Variants in BICD1 observed in about 807,000 individuals in gnomAD.
The protein encoded by BICD1 is protein bicaudal D homolog 1.
Under a neutral mutation model 92.5 loss-of-function variants are expected in BICD1, and 35 were observed. The observed-to-expected ratio is 0.38, with a 90% CI of 0.29 to 0.50. The LOEUF (loss-of-function observed/expected upper bound fraction) is 0.50. Ranked by LOEUF, BICD1 falls within the 20% of genes least tolerant of loss-of-function variation. The pLI, the probability that BICD1 is intolerant of heterozygous loss-of-function variation, is 0.93. For missense variants in BICD1, 950 were observed against 1,189.8 expected, an observed-to-expected ratio of 0.80 and a Z score of 2.97; for synonymous variants, 429 against 465.1, an observed-to-expected ratio of 0.92 and a Z score of 1.00.
intron 2 of BICD1, among the ~76,000 whole-genome samples, chr12:32,275,974 A>G (rs1028018579): frequency 6.6e-6 from 1 of 151,990 alleles, no homozygotes; most frequent in Admixed American, 6.5e-5. Context: ...GCTTGCCACC[A>G]TCTTGGAAGC....
intron 2 of BICD1, among the ~76,000 whole-genome samples, chr12:32,255,896 A>G (rs1946704570): frequency 6.6e-6 from 1 of 152,090 alleles, no homozygotes; most frequent in Admixed American, 6.6e-5. Context: ...TTAAAATATT[A>G]CCCTTAATCA....
chr12:32,293,728 G>A (rs763654698), intron 2 of BICD1, among the ~76,000 whole-genome samples: 19 of 152,076 alleles, frequency 1.2e-4, no homozygotes, highest in Non-Finnish European at 2.2e-4. Context: ...CCAATTTTTT[G>A]TGTAAGTATA....
Position 32,338,868 on chromosome 12 carries a change from CCT to C in BICD1, c.2654_2655del (p.Pro885ArgfsTer18). ...CCTACAGAATTTATTAAGAGTTCCCCCTGATCCCACCTCCACAGAATCATTTC... is the reference window on the plus strand; with the variant it reads ...CCTACAGAATTTATTAAGAGTTCCCCGATCCCACCTCCACAGAATCATTTC... ...SYLQNLLRVPPDPTSTESFLL... is the reference protein window; with the variant it reads ...SYLQNLLRVPXDPTSTESFLL... On this transcript the variant is annotated frameshift_variant, in exon 8 of 10. Transcript: ENST00000652176. LOFTEE classifies it high-confidence loss of function. The C allele has an allele frequency of 6.2e-7, 1 of 1,607,740 alleles. No individual in the cohort carries two copies. Among genetic ancestry groups the C allele is most frequent in the Non-Finnish European group, 8.5e-7 (1 of 1,177,444 alleles).
chr12:32,179,062 T>C (rs531932764), intron 1 of BICD1, among the ~76,000 whole-genome samples: 50 of 152,122 alleles, frequency 3.3e-4, no homozygotes, highest in Admixed American at 9.8e-4. Flanking sequence ...TTTGGATATA[T>C]GGAGTATTAA....
intron 1 of BICD1, among the ~76,000 whole-genome samples, chr12:32,143,454 C>T (rs1228922742): frequency 6.6e-6 from 1 of 151,956 alleles, no homozygotes; most frequent in Non-Finnish European, 1.5e-5. Flanking sequence ...TTTCATTTAA[C>T]ATTTTTTTTT....
chr12:32,161,291 AT>A (rs1202474680), intron 1 of BICD1, among the ~76,000 whole-genome samples: 2 of 152,220 alleles, frequency 1.3e-5, no homozygotes, highest in East Asian at 3.8e-4. Context: ...TAGAAAGAAC[AT>A]TAGTGAAATC....
chr12:32,270,631 T>C (rs1209571295), intron 2 of BICD1, among the ~76,000 whole-genome samples: 1 of 152,208 alleles, frequency 6.6e-6, no homozygotes, highest in Non-Finnish European at 1.5e-5. Flanking sequence ...CGTAAAACTA[T>C]GATAAGATTT....
At chr12:32,172,536 C>T (rs1189188890) in intron 1 of BICD1, among the ~76,000 whole-genome samples, 2 of 152,142 alleles carry the variant, frequency 1.3e-5, no homozygotes, top group African/African-American at 2.4e-5. Context: ...TCTCTCTTGC[C>T]CCCTATTCTC....
At chr12:32,246,637 C>CA (rs949341934) in intron 2 of BICD1, among the ~76,000 whole-genome samples, 5 of 151,640 alleles carry the variant, frequency 3.3e-5, no homozygotes, top group South Asian at 2.1e-4. Flanking sequence ...GACCTTGTCT[C>CA]AAAAAAAATC....
chr12:32,365,716 G>GTCTAAGACATTCCTAAATTACCAC (rs1336115691), intron 8 of BICD1, among the ~76,000 whole-genome samples: 1 of 152,160 alleles, frequency 6.6e-6, no homozygotes, highest in Non-Finnish European at 1.5e-5. Context: ...TGTCAAATTA[G>GTCTAAGACATTCCTAAATTACCAC]TCTAAGACAT....
chr12:32,239,598 G>A (rs1946181380), intron 2 of BICD1, among the ~76,000 whole-genome samples: 1 of 151,162 alleles, frequency 6.6e-6, no homozygotes, highest in South Asian at 2.1e-4. Context: ...TAACACTCAA[G>A]TGTTTTTGGT....
chr12:32,297,805 A>AGTTATTCATTTG (rs1947915860), intron 3 of BICD1, among the ~76,000 whole-genome samples: 1 of 151,732 alleles, frequency 6.6e-6, no homozygotes, highest in South Asian at 2.1e-4. Flanking sequence ...TAAAGAGTCT[A>AGTTATTCATTTG]TTTACATTCC....
chr12:32,196,136 G>GAGAT (rs1215310285), intron 1 of BICD1, among the ~76,000 whole-genome samples: 1 of 152,296 alleles, frequency 6.6e-6, no homozygotes, highest in South Asian at 2.1e-4. Context: ...AAAATGACAA[G>GAGAT]AGATAGTAAG....
chr12:32,125,836 G>GT (rs1942307477), intron 1 of BICD1, among the ~76,000 whole-genome samples: 1 of 150,980 alleles, frequency 6.6e-6, no homozygotes, highest in South Asian at 2.1e-4. Context: ...GAGCTCAGGA[G>GT]TTTGAGACCT....
intron 9 of BICD1, among the ~76,000 whole-genome samples, chr12:32,374,980 G>A (rs1939885741): frequency 7.5e-6 from 1 of 132,944 alleles, no homozygotes; most frequent in Non-Finnish European, 1.6e-5. Flanking sequence ...GTGCAATGGC[G>A]CGATCTCGGC....
chr12:32,280,886 A>G (rs886413350), intron 2 of BICD1, among the ~76,000 whole-genome samples: 1 of 152,150 alleles, frequency 6.6e-6, no homozygotes, highest in Non-Finnish European at 1.5e-5. Flanking sequence ...CTACCTTTGT[A>G]TTGTTCAAAA....
intron 4 of BICD1, among the ~76,000 whole-genome samples, chr12:32,317,277 G>A (rs950662577): frequency 2.0e-5 from 3 of 152,182 alleles, no homozygotes; most frequent in Non-Finnish European, 2.9e-5. Context: ...CTGAGGAATC[G>A]TCACACTGAC....
chr12:32,137,197 T>C (rs1485573849), intron 1 of BICD1, among the ~76,000 whole-genome samples: 1 of 152,202 alleles, frequency 6.6e-6, no homozygotes, highest in Non-Finnish European at 1.5e-5. Flanking sequence ...CAAGAAATTC[T>C]TGTGCCCCAG....
chr12:32,317,324 CA>C (rs1424558772), intron 4 of BICD1, among the ~76,000 whole-genome samples: 6 of 152,212 alleles, frequency 3.9e-5, no homozygotes, highest in Non-Finnish European at 7.3e-5. Context: ...GTCCTACCAA[CA>C]GTGTAAAAGT....
Sources: allele counts gnomAD v4.1 joint callset (sites outside exome capture counted in the v4.1 genomes callset), GRCh38; gene constraint gnomAD v4.1.1; transcripts MANE v1.5; gene names NCBI Gene and HGNC (gene_info 2026-07-23, HGNC 2026-07-21).